The following TRAPPC9 variants were observed in gnomAD, a reference collection of about 807,000 sequenced individuals.
TRAPPC9 encodes the protein trafficking protein particle complex subunit 9.
In TRAPPC9, 83 loss-of-function variants were observed where a neutral mutation model predicts 124.0. The ratio of observed to expected loss-of-function variants is 0.67; its 90% confidence interval spans 0.56 to 0.80. The LOEUF is 0.80. Ranked by LOEUF, TRAPPC9 falls within the 30% of genes least tolerant of loss-of-function variation. The pLI is 0.00. For synonymous variants in TRAPPC9, 638 were observed against 617.5 expected (o/e 1.03, Z -0.49); for missense variants, 1,302 against 1,508.3 (o/e 0.86, Z 2.27).
chr8:139,802,244 G>A (rs1823590884), intron 21 of TRAPPC9, among the ~76,000 whole-genome samples: 1 of 152,210 alleles, frequency 6.6e-6, no homozygotes, highest in Non-Finnish European at 1.5e-5. Context: ...ACCTGATCAT[G>A]GCGCAGGAGA....
intron 19 of TRAPPC9, among the ~76,000 whole-genome samples, chr8:139,985,567 C>T (rs1035415818): frequency 6.6e-6 from 1 of 152,112 alleles, no homozygotes; most frequent in African/African-American, 2.4e-5. Flanking sequence ...CACGCGCATA[C>T]CCACACCCAA....
intron 21 of TRAPPC9, among the ~76,000 whole-genome samples, chr8:139,755,557 G>A (rs1464203161): frequency 3.0e-5 from 4 of 134,188 alleles, no homozygotes; most frequent in African/African-American, 9.1e-5. Flanking sequence ...ACAGCAGGTC[G>A]CAGGAGGAGC....
At chr8:140,299,481 A>T (rs2065904014) in intron 11 of TRAPPC9, among the ~76,000 whole-genome samples, 1 of 152,190 alleles carries the variant, frequency 6.6e-6, no homozygotes, top group Admixed American at 6.5e-5. Context: ...AAGGAGAAGA[A>T]AGCACTGGAT....
intron 11 of TRAPPC9, among the ~76,000 whole-genome samples, chr8:140,299,280 G>A (rs867395880): frequency 1.2e-4 from 18 of 152,152 alleles, no homozygotes; most frequent in Middle Eastern, 3.4e-3. Context: ...TGAAAACCCC[G>A]ACAGAGCGGG....
At chr8:140,024,290 C>A (rs1470368607) in intron 17 of TRAPPC9, among the ~76,000 whole-genome samples, 2 of 152,130 alleles carry the variant, frequency 1.3e-5, no homozygotes. Flanking sequence ...CCATCTTACA[C>A]CCCCGGTGGG....
intron 21 of TRAPPC9, among the ~76,000 whole-genome samples, chr8:139,789,019 T>G (rs566985643): frequency 6.6e-6 from 1 of 152,296 alleles, no homozygotes; most frequent in Admixed American, 6.5e-5. Flanking sequence ...AAACAAATTA[T>G]GGGAGGCTAA....
chr8:140,273,439 T>G (rs1324275456), intron 15 of TRAPPC9, among the ~76,000 whole-genome samples: 1 of 152,202 alleles, frequency 6.6e-6, no homozygotes, highest in Admixed American at 6.5e-5. Flanking sequence ...CTTGGGCTGC[T>G]ATGCCACTAG....
At chr8:140,046,135 G>A (rs769735504) in intron 17 of TRAPPC9, among the ~76,000 whole-genome samples, 3 of 152,298 alleles carry the variant, frequency 2.0e-5, no homozygotes, top group East Asian at 1.9e-4. Flanking sequence ...GGAGACTGGC[G>A]TCCCCCGCCT....
chr8:139,933,966 G>A (rs562503775), intron 19 of TRAPPC9: 8 of 152,200 alleles, frequency 5.3e-5, no homozygotes, highest in Admixed American at 3.3e-4. Flanking sequence ...GTTGCTAGTA[G>A]GTGTCATCTA....
At chr8:139,950,857 C>T (rs1407004636) in intron 19 of TRAPPC9, among the ~76,000 whole-genome samples, 1 of 152,232 alleles carries the variant, frequency 6.6e-6, no homozygotes, top group Non-Finnish European at 1.5e-5. Flanking sequence ...CTCCGAAGGC[C>T]TCTTTGGTAT....
chr8:140,349,623 G>T (rs1266398651), intron 9 of TRAPPC9, among the ~76,000 whole-genome samples: 3 of 152,152 alleles, frequency 2.0e-5, no homozygotes, highest in Non-Finnish European at 2.9e-5. Flanking sequence ...AGAGGGAGGC[G>T]GCAGGAGGGA....
intron 17 of TRAPPC9, among the ~76,000 whole-genome samples, chr8:140,173,070 A>G (rs2130957067): frequency 6.6e-6 from 1 of 152,340 alleles, no homozygotes; most frequent in African/African-American, 2.4e-5. Flanking sequence ...AGATAAGCAG[A>G]GATAATGCTA....
chr8:140,315,606 G>GT (rs2066423437), intron 9 of TRAPPC9, among the ~76,000 whole-genome samples: 1 of 152,112 alleles, frequency 6.6e-6, no homozygotes, highest in Non-Finnish European at 1.5e-5. Context: ...AAATCCTTGA[G>GT]TTATTACTTT....
intron 21 of TRAPPC9, among the ~76,000 whole-genome samples, chr8:139,774,987 G>GCTTA (rs1225620866): frequency 6.6e-6 from 1 of 152,216 alleles, no homozygotes; most frequent in Non-Finnish European, 1.5e-5. Context: ...CTCATGCAAT[G>GCTTA]CTTAACCAGA....
At chr8:139,747,926 T>C (rs1385903283) in intron 21 of TRAPPC9, among the ~76,000 whole-genome samples, 1 of 50,544 alleles carries the variant, frequency 2.0e-5, no homozygotes, top group Non-Finnish European at 3.5e-5. Context: ...GGGGTCAGAG[T>C]GGGTGTGAGG....
rs559939126 is a variant in TRAPPC9 at position 139,881,979 on chromosome 8, T to C, written c.3055+3900A>G. On this transcript the variant is annotated intron_variant, in intron 21 of 22. Coordinates refer to ENST00000438773, the MANE Select transcript of TRAPPC9 (RefSeq NM_001160372.4). ...ATGCATGGATGCCAGGAAGGGGGTC[T>C]ATGCACTGCCCAGTCCCTGGGGTGG... 3.8e-3 allele frequency among the ~76,000 whole-genome samples: 576 copies of C among 152,280 alleles called. 5 individuals carry two copies. Among genetic ancestry groups the C allele is most frequent in the African/African-American group, 0.013 (553 of 41,564 alleles).
At chr8:139,874,405 G>A (rs191794995) in intron 21 of TRAPPC9, among the ~76,000 whole-genome samples, 3 of 152,320 alleles carry the variant, frequency 2.0e-5, no homozygotes, top group Admixed American at 6.5e-5. Flanking sequence ...CACCAGCAGC[G>A]GAAGACACAG....
intron 7 of TRAPPC9, among the ~76,000 whole-genome samples, chr8:140,372,204 C>T (rs1452084400): frequency 2.6e-5 from 4 of 152,206 alleles, no homozygotes; most frequent in Admixed American, 2.0e-4. Flanking sequence ...CTGCACAGCG[C>T]CTTCAGAGAA....
chr8:139,866,202 C>T (rs1453260692), intron 21 of TRAPPC9, among the ~76,000 whole-genome samples: 1 of 152,160 alleles, frequency 6.6e-6, no homozygotes, highest in Non-Finnish European at 1.5e-5. Flanking sequence ...GCAAAATGTT[C>T]CTTATCAGAC....
Sources: allele counts gnomAD v4.1 joint callset (sites outside exome capture counted in the v4.1 genomes callset), GRCh38; gene constraint gnomAD v4.1.1; transcripts MANE v1.5; gene names NCBI Gene and HGNC (gene_info 2026-07-23, HGNC 2026-07-21).